SAP18: variants seen among roughly 807,000 people sequenced by gnomAD.
SAP18 encodes the protein Sin3A associated protein 18.
Under a neutral mutation model 18.6 loss-of-function variants are expected in SAP18, and 4 were observed. That is an observed-to-expected ratio of 0.21 (90% confidence interval 0.11 to 0.49). SAP18 has a LOEUF of 0.49. Ranked by LOEUF, SAP18 falls within the 20% of genes least tolerant of loss-of-function variation. The pLI, the probability that SAP18 is intolerant of heterozygous loss-of-function variation, is 0.98. For synonymous variants in SAP18, 112 were observed against 82.8 expected (o/e 1.35, Z -1.92); for missense variants, 170 against 226.4 (o/e 0.75, Z 1.60).
intron 3 of SAP18, 38 bp downstream of exon 3, chr13:21,146,965 T>C: frequency 6.3e-7 from 1 of 1,582,552 alleles, no homozygotes; most frequent in South Asian, 1.2e-5. Flanking sequence ...GTAATCTCTT[T>C]GTTTTTAGTA....
intron 2 of SAP18, among the ~76,000 whole-genome samples, chr13:21,145,426 C>G (rs540156310): frequency 3.9e-5 from 6 of 152,038 alleles, no homozygotes; most frequent in Non-Finnish European, 5.9e-5. Context: ...GATACTGAAC[C>G]TATAATTGAT....
At chr13:21,141,043 C>A in intron 2 of SAP18, 48 bp downstream of exon 2, 1 of 1,199,810 alleles carries the variant, frequency 8.3e-7, no homozygotes, top group Non-Finnish European at 1.2e-6. Flanking sequence ...GAACCTGGAA[C>A]AACAGTTAAT....
At chr13:21,144,366 A>G (rs1435458537) in intron 2 of SAP18, among the ~76,000 whole-genome samples, 2 of 135,454 alleles carry the variant, frequency 1.5e-5, no homozygotes, top group African/African-American at 2.8e-5. Context: ...GATCAGCGCC[A>G]CTGCACTCCA....
At chr13:21,142,006 G>A (rs1279665923) in intron 2 of SAP18, among the ~76,000 whole-genome samples, 1 of 149,792 alleles carries the variant, frequency 6.7e-6, no homozygotes, top group Non-Finnish European at 1.5e-5. Context: ...TATATAACAA[G>A]CCAGGCACGG....
At chr13:21,144,228 A>T (rs1271723609) in intron 2 of SAP18, among the ~76,000 whole-genome samples, 1 of 152,012 alleles carries the variant, frequency 6.6e-6, no homozygotes, top group African/African-American at 2.4e-5. Context: ...AACATGGTGA[A>T]ACCCCGTCTC....
chr13:21,146,092 A>G (rs1241919173), intron 2 of SAP18, among the ~76,000 whole-genome samples: 4 of 152,214 alleles, frequency 2.6e-5, no homozygotes, highest in African/African-American at 2.4e-5. Flanking sequence ...CTTGTAATCA[A>G]TCCCAGCACT....
At chr13:21,140,508 C>A, upstream of SAP18, 1 of 1,540,942 alleles carries the variant, frequency 6.5e-7, no homozygotes, top group Admixed American at 2.0e-5. Flanking sequence ...AGCCCCTGGC[C>A]GACTATAAAG....
chr13:21,141,034 A>G, intron 2 of SAP18, 39 bp downstream of exon 2: 1 of 1,249,604 alleles, frequency 8.0e-7, no homozygotes, highest in South Asian at 1.2e-5. Flanking sequence ...CCGGGCCGGG[A>G]ACCTGGAACA....
intron 2 of SAP18, among the ~76,000 whole-genome samples, chr13:21,143,819 T>C (rs527247896): frequency 1.3e-5 from 2 of 152,306 alleles, no homozygotes; most frequent in South Asian, 2.1e-4. Flanking sequence ...GGAACAACTT[T>C]AAGTTACATC....
At chr13:21,143,694 T>A (rs1869547512) in intron 2 of SAP18, among the ~76,000 whole-genome samples, 1 of 152,004 alleles carries the variant, frequency 6.6e-6, no homozygotes, top group Non-Finnish European at 1.5e-5. Flanking sequence ...TTTTTAGGGT[T>A]AAAATGGCAG....
rs1467012339 is a variant in SAP18, at chr13:21,141,002, A to G, written c.239+7A>G. On this transcript the variant is annotated splice_region_variant and intron_variant, in intron 2 of 3. Transcript: ENST00000621421. ...AGTTGCAGATCTACACTTGGTGAGG[A>G]GGGCGGGGTGGCCTCAGGGACCCGG... is the stretch of plus-strand genomic sequence containing the variant. 6.3e-7 allele frequency: 1 copy of G among 1,595,830 alleles called. No individual in the cohort carries two copies. Among genetic ancestry groups the G allele is most frequent in the East Asian group, 2.2e-5 (1 of 44,780 alleles).
At chr13:21,148,181 A>T (rs112350274) in exon 4 of SAP18, 17 of 152,258 alleles carry the variant, frequency 1.1e-4, no homozygotes, top group African/African-American at 3.9e-4. Context: ...AGTGCAGCAG[A>T]ACATTGAAGT....
chr13:21,142,794 G>A (rs919192386), intron 2 of SAP18, among the ~76,000 whole-genome samples: 1 of 151,952 alleles, frequency 6.6e-6, no homozygotes, highest in African/African-American at 2.4e-5. Context: ...CCCCAAGCTG[G>A]ATTTGAGCTC....
chr13:21,146,624 G>A (rs1158811541), intron 2 of SAP18, 181 bp from the exon 3 acceptor site: 3 of 442,306 alleles, frequency 6.8e-6, no homozygotes, highest in Non-Finnish European at 1.2e-5. Flanking sequence ...CTGGTACATG[G>A]AGTTTTTGGA....
intron 2 of SAP18, among the ~76,000 whole-genome samples, chr13:21,143,914 A>G (rs1174965502): frequency 1.3e-5 from 2 of 152,192 alleles, no homozygotes; most frequent in Non-Finnish European, 2.9e-5. Flanking sequence ...ATTCCCAGAA[A>G]TAGTAATGAG....
intron 2 of SAP18, among the ~76,000 whole-genome samples, chr13:21,145,701 C>T (rs999510660): frequency 5.9e-5 from 9 of 152,222 alleles, no homozygotes; most frequent in South Asian, 4.1e-4. Flanking sequence ...TTAGTAGAAA[C>T]GGGGTTTCAC....
chr13:21,146,942 A>G lies in SAP18; in HGVS notation c.362+15A>G, dbSNP rs1565987066. ...CCTGGCTATCGGTAGGTAACTTCTC[A>G]TTTTTAAGTCCTGTAATCTCTTTGT... On this transcript the variant is annotated intron_variant, in intron 3 of 3. Coordinates refer to ENST00000621421, the Ensembl canonical transcript of SAP18. 1 of 1,600,142 alleles carries G rather than the reference A, an allele frequency of 6.2e-7. No individual in the cohort carries two copies. The highest frequency in any genetic ancestry group is 1.8e-5 in the Admixed American group (1 of 55,258).
At chr13:21,147,020 G>A in intron 3 of SAP18, 93 bp downstream of exon 3, 7 of 1,434,532 alleles carry the variant, frequency 4.9e-6, no homozygotes, top group South Asian at 1.3e-5. Flanking sequence ...TCTTGTTAGT[G>A]GGAGAATATG....
intron 2 of SAP18, among the ~76,000 whole-genome samples, chr13:21,142,084 C>T (rs912999569): frequency 6.7e-6 from 1 of 149,192 alleles, no homozygotes; most frequent in Admixed American, 6.7e-5. Context: ...GTCAGGAGTT[C>T]GAGACCAGTC....
Sources: allele counts gnomAD v4.1 joint callset (sites outside exome capture counted in the v4.1 genomes callset), GRCh38; gene constraint gnomAD v4.1.1; transcripts MANE v1.5; gene names NCBI Gene and HGNC (gene_info 2026-07-23, HGNC 2026-07-21).